MMP16: variants seen among roughly 807,000 people sequenced by gnomAD.
The protein encoded by MMP16 is matrix metallopeptidase 16.
In MMP16, 12 loss-of-function variants were observed where a neutral mutation model predicts 67.8. That is an observed-to-expected ratio of 0.18 (90% confidence interval 0.11 to 0.29). The LOEUF (loss-of-function observed/expected upper bound fraction) is 0.29, where lower values mean the gene tolerates loss of function less well. Among genes scored for constraint, MMP16 ranks in the 10% least tolerant of loss-of-function variants. The pLI is 1.00. For synonymous variants in MMP16, 249 were observed against 255.9 expected (o/e 0.97, Z 0.26); for missense variants, 475 against 765.7 (o/e 0.62, Z 4.48).
rs1427891979 is a variant in MMP16 at position 88,032,126 on chromosome 8, CACTT to C, written c.*9331_*9334del. On this transcript the variant is annotated 3_prime_UTR_variant, in exon 10 of 10. Coordinates refer to ENST00000286614, the MANE Select transcript of MMP16 (RefSeq NM_005941.5). The stretch of plus-strand genomic sequence containing the variant: ...CATTTAACCCTTCCCTAGGTTAAGA[CACTT>C]ACAGCAGACAAAAACTGCCCCACCC... The C allele has an allele frequency of 2.0e-5, 3 of 152,140 alleles. No homozygotes were observed. The highest frequency in any genetic ancestry group is 7.2e-5 in the African/African-American group (3 of 41,432). 9.4% of individuals were successfully genotyped at this position (152,140 alleles called of 1,614,324 possible).
intron 1 of MMP16, among the ~76,000 whole-genome samples, chr8:88,228,878 A>T (rs1809812111): frequency 6.6e-6 from 1 of 152,006 alleles, no homozygotes; most frequent in Non-Finnish European, 1.5e-5. Context: ...AAAGCACTAC[A>T]GGCCGGGCAT....
chr8:88,180,325 C>G (rs936695391), intron 3 of MMP16, among the ~76,000 whole-genome samples: 1 of 142,628 alleles, frequency 7.0e-6, no homozygotes, highest in African/African-American at 2.5e-5. Context: ...AAAAACAGCA[C>G]AGAGTAAAAA....
chr8:88,276,557 C>T (rs1402586909), intron 1 of MMP16, among the ~76,000 whole-genome samples: 1 of 152,080 alleles, frequency 6.6e-6, no homozygotes, highest in Non-Finnish European at 1.5e-5. Flanking sequence ...AAATTAGTTA[C>T]CCATGATTTC....
chr8:88,316,159 C>T (rs1310347216), intron 1 of MMP16, among the ~76,000 whole-genome samples: 3 of 152,074 alleles, frequency 2.0e-5, no homozygotes, highest in Non-Finnish European at 4.4e-5. Flanking sequence ...ATGTATGTAA[C>T]CTAAAAGTGC....
At chr8:88,131,744 T>TA (rs1808034603) in intron 4 of MMP16, among the ~76,000 whole-genome samples, 1 of 151,898 alleles carries the variant, frequency 6.6e-6, no homozygotes, top group Admixed American at 6.6e-5. Context: ...ACACGTAGCT[T>TA]AATTCTTAAT....
At chr8:88,275,369 C>T (rs1810630741) in intron 1 of MMP16, among the ~76,000 whole-genome samples, 1 of 151,938 alleles carries the variant, frequency 6.6e-6, no homozygotes, top group African/African-American at 2.4e-5. Context: ...CTTTCCTTAA[C>T]ATCTTTTAAG....
rs116618750 is a variant in MMP16 at position 88,146,118 on chromosome 8, A to G, written c.709+21551T>C. ...TTGTCAAAATTACACTTTTCTTTCAATTCTCAATTCAAATGCTCCTTTTTG... is the reference window on the plus strand; with the variant it reads ...TTGTCAAAATTACACTTTTCTTTCAGTTCTCAATTCAAATGCTCCTTTTTG... On this transcript the variant is annotated intron_variant, in intron 4 of 9. Coordinates refer to ENST00000286614, the MANE Select transcript of MMP16 (RefSeq NM_005941.5). Among the ~76,000 whole-genome samples the G allele has an allele frequency of 7.3e-3, 1,116 of 151,938 alleles. 12 individuals carry two copies. The highest frequency in any genetic ancestry group is 0.025 in the African/African-American group (1,031 of 41,486).
chr8:88,119,268 T>C (rs1428857538), intron 4 of MMP16, among the ~76,000 whole-genome samples: 4 of 152,158 alleles, frequency 2.6e-5, no homozygotes, highest in African/African-American at 9.6e-5. Context: ...GCAGATACTG[T>C]CCTTACTTTT....
At chr8:88,244,101 T>C (rs1422286481) in intron 1 of MMP16, among the ~76,000 whole-genome samples, 2 of 152,124 alleles carry the variant, frequency 1.3e-5, no homozygotes, top group East Asian at 3.9e-4. Flanking sequence ...GTGTTTCCTT[T>C]GTTCAGGGCA....
intron 1 of MMP16, among the ~76,000 whole-genome samples, chr8:88,270,463 G>A (rs1319055593): frequency 6.6e-6 from 1 of 152,066 alleles, no homozygotes; most frequent in African/African-American, 2.4e-5. Flanking sequence ...AGCAAAATAA[G>A]AGAAATAATC....
intron 4 of MMP16, among the ~76,000 whole-genome samples, chr8:88,135,934 A>G (rs931786148): frequency 1.3e-5 from 2 of 151,924 alleles, no homozygotes; most frequent in Non-Finnish European, 2.9e-5. Context: ...TTTTTATTAT[A>G]TAAGTGGGTT....
chr8:88,089,791 T>G (rs1808903144), intron 6 of MMP16, among the ~76,000 whole-genome samples: 1 of 151,800 alleles, frequency 6.6e-6, no homozygotes, highest in African/African-American at 2.4e-5. Context: ...AAGTAAATGT[T>G]AAATAATAAA....
At chr8:88,155,647 T>C (rs150348363) in intron 4 of MMP16, among the ~76,000 whole-genome samples, 2 of 152,250 alleles carry the variant, frequency 1.3e-5, no homozygotes, top group African/African-American at 4.8e-5. Flanking sequence ...CTATTCTTTA[T>C]CCTTGGCTTT....
chr8:88,147,433 T>C (rs879304365), intron 4 of MMP16, among the ~76,000 whole-genome samples: 1 of 152,092 alleles, frequency 6.6e-6, no homozygotes, highest in Non-Finnish European at 1.5e-5. Context: ...GCAATGTTTA[T>C]TACTTTCTTT....
intron 1 of MMP16, among the ~76,000 whole-genome samples, chr8:88,242,781 T>C (rs902768205): frequency 1.3e-5 from 2 of 152,210 alleles, no homozygotes; most frequent in Non-Finnish European, 2.9e-5. Context: ...AGTCACACTT[T>C]AAAATACTGT....
intron 3 of MMP16, among the ~76,000 whole-genome samples, chr8:88,183,092 T>C (rs1809007492): frequency 6.6e-6 from 1 of 152,078 alleles, no homozygotes; most frequent in Non-Finnish European, 1.5e-5. Flanking sequence ...AAACACTGAA[T>C]TTTTAGGGAA....
intron 1 of MMP16, among the ~76,000 whole-genome samples, chr8:88,309,437 T>G (rs1811262157): frequency 6.8e-6 from 1 of 146,472 alleles, no homozygotes. Flanking sequence ...AGAGGGAGGG[T>G]GGTAGGAGGG....
At chr8:88,141,326 A>C (rs1808207299) in intron 4 of MMP16, among the ~76,000 whole-genome samples, 2 of 152,226 alleles carry the variant, frequency 1.3e-5, no homozygotes, top group African/African-American at 4.8e-5. Context: ...AATACACACA[A>C]AATATGTGCC....
chr8:88,038,838 T>A lies in MMP16; in HGVS notation c.*2623A>T, dbSNP rs1044374107. 1 of 152,640 alleles carries A rather than the reference T, an allele frequency of 6.6e-6. No individual in the cohort carries two copies. The highest frequency in any genetic ancestry group is 2.4e-5 in the African/African-American group (1 of 41,464). The allele number at this position is 152,640 out of a possible 1,614,324, so 9.5% of individuals were successfully genotyped here. On this transcript the variant is annotated 3_prime_UTR_variant, in exon 10 of 10. Transcript: ENST00000286614. This position sits in a 1 kb window ranked among gnomAD's most constrained non-coding sequence, Gnocchi z 4.1. ...CTTGCTTTCTTGGCCCTTGCGTACA[T>A]AATCTCCAATATCCTCTTAAAATAT...
Sources: gnomAD v4.1 joint callset for allele counts (sites outside exome capture counted in the v4.1 genomes callset) on GRCh38, gnomAD v4.1.1 for gene constraint, Gnocchi (gnomAD v3.1) non-coding constraint, MANE v1.5 for transcripts, NCBI Gene and HGNC (gene_info 2026-07-23, HGNC 2026-07-21) for gene names.